FARS2: variants seen among roughly 807,000 people sequenced by gnomAD.
The protein encoded by FARS2 is phenylalanyl-tRNA synthetase 2, mitochondrial, also known as phenylalanine--tRNA ligase, mitochondrial.
Under a neutral mutation model 46.4 loss-of-function variants are expected in FARS2, and 40 were observed. The ratio of observed to expected loss-of-function variants is 0.86; its 90% CI spans 0.67 to 1.12. The LOEUF (loss-of-function observed/expected upper bound fraction) is 1.12, where lower values mean the gene tolerates loss of function less well. Ranked by LOEUF, FARS2 falls within the 50% of genes most tolerant of loss-of-function variation. FARS2 has a pLI of 0.00. For synonymous variants in FARS2, 234 were observed against 214.9 expected, an observed-to-expected ratio of 1.09 and a Z score of -0.78; for missense variants, 513 against 567.9, an observed-to-expected ratio of 0.90 and a Z score of 0.98.
In FARS2 at chr6:5,368,924, A is replaced by G. The variant is rs1554169338; in HGVS notation, c.354A>G (p.Pro118=). The G allele has an allele frequency of 6.2e-6, 10 of 1,614,166 alleles. No homozygotes were observed. Among genetic ancestry groups the G allele is most frequent in the Non-Finnish European group, 7.6e-6 (9 of 1,180,028 alleles). ...PLFSVYDNLS[P]VVTTWQNFDS... ...TCTCGGTCTACGACAACCTTTCTCC[A>G]GTGGTCACGACCTGGCAGAACTTTG... is the stretch of plus-strand genomic sequence containing the variant. The change falls in exon 2 of 7, where the codon CCA becomes CCG. Residue 118 remains proline (P), a synonymous_variant. Coordinates refer to ENST00000274680, the MANE Select transcript of FARS2 (RefSeq NM_006567.5).
intron 4 of FARS2, among the ~76,000 whole-genome samples, chr6:5,523,789 C>T (rs1038764307): frequency 7.2e-5 from 11 of 152,120 alleles, no homozygotes; most frequent in Admixed American, 3.3e-4. Context: ...TGTCTTTACC[C>T]TTTAGGGTTT....
chr6:5,582,223 A>G (rs1168073484), intron 5 of FARS2, among the ~76,000 whole-genome samples: 1 of 110,486 alleles, frequency 9.1e-6, no homozygotes, highest in African/African-American at 3.5e-5. Context: ...TCACAGTAAC[A>G]TACTTCCGGT....
At chr6:5,349,124 G>A (rs1757416197) in intron 1 of FARS2, among the ~76,000 whole-genome samples, 2 of 152,246 alleles carry the variant, frequency 1.3e-5, no homozygotes, top group African/African-American at 4.8e-5. Flanking sequence ...TAATAAGTGA[G>A]TTCTGCAAGG....
At chr6:5,771,077 G>T (rs544087129) in intron 6 of FARS2, among the ~76,000 whole-genome samples, 2 of 152,312 alleles carry the variant, frequency 1.3e-5, no homozygotes, top group Admixed American at 1.3e-4. Context: ...CACCCCAGTG[G>T]AAACCAGCAG....
chr6:5,259,759 G>C (rs1395596957), upstream of FARS2, among the ~76,000 whole-genome samples: 1 of 152,048 alleles, frequency 6.6e-6, no homozygotes, highest in Non-Finnish European at 1.5e-5. Flanking sequence ...CTTTCTCATG[G>C]GAATATGGCT....
intron 1 of FARS2, among the ~76,000 whole-genome samples, chr6:5,305,759 T>C (rs1768655028): frequency 6.6e-6 from 1 of 152,156 alleles, no homozygotes; most frequent in Admixed American, 6.5e-5. Flanking sequence ...TCTCCCACTA[T>C]AGCCCCTACA....
At chr6:5,511,468 A>G (rs1168031453) in intron 4 of FARS2, among the ~76,000 whole-genome samples, 3 of 152,256 alleles carry the variant, frequency 2.0e-5, no homozygotes, top group African/African-American at 7.2e-5. Flanking sequence ...ATTAATCACA[A>G]ATGGGCAAGT....
At chr6:5,668,535 C>T (rs1778264054) in intron 6 of FARS2, among the ~76,000 whole-genome samples, 1 of 152,126 alleles carries the variant, frequency 6.6e-6, no homozygotes, top group Non-Finnish European at 1.5e-5. Flanking sequence ...ATGTTTTTTA[C>T]TGTTTAATTC....
chr6:5,402,658 A>G (rs1488196521), intron 2 of FARS2, among the ~76,000 whole-genome samples: 3 of 152,034 alleles, frequency 2.0e-5, no homozygotes, highest in Admixed American at 2.0e-4. Context: ...ATCTTTCACA[A>G]CCTTGAATTT....
chr6:5,475,535 C>G (rs1258390034), intron 4 of FARS2, among the ~76,000 whole-genome samples: 1 of 152,166 alleles, frequency 6.6e-6, no homozygotes, highest in Non-Finnish European at 1.5e-5. Flanking sequence ...GACCACAGTC[C>G]TCCAAAAACT....
intron 6 of FARS2, among the ~76,000 whole-genome samples, chr6:5,753,022 C>T (rs867270934): frequency 2.0e-5 from 3 of 152,102 alleles, no homozygotes; most frequent in African/African-American, 4.8e-5. Context: ...TTACTGTAAG[C>T]GTAATGCTCT....
At chr6:5,658,467 A>T (rs1164686076) in intron 6 of FARS2, among the ~76,000 whole-genome samples, 1 of 152,186 alleles carries the variant, frequency 6.6e-6, no homozygotes, top group East Asian at 1.9e-4. Context: ...GAGCTATTCA[A>T]ATGTACCCTT....
chr6:5,559,994 G>A (rs894169581), intron 5 of FARS2, among the ~76,000 whole-genome samples: 1 of 152,056 alleles, frequency 6.6e-6, no homozygotes, highest in Non-Finnish European at 1.5e-5. Context: ...GAATTCCAGG[G>A]GGTTTGTAGA....
At chr6:5,664,008 G>GC (rs554797114) in intron 6 of FARS2, among the ~76,000 whole-genome samples, 5 of 152,310 alleles carry the variant, frequency 3.3e-5, no homozygotes, top group African/African-American at 4.8e-5. Context: ...CAGATCTGTG[G>GC]CCCCCCTGGC....
intron 5 of FARS2, among the ~76,000 whole-genome samples, chr6:5,603,973 A>G (rs1393058556): frequency 2.0e-5 from 3 of 152,172 alleles, no homozygotes; most frequent in South Asian, 2.1e-4. Flanking sequence ...TACCATTCCA[A>G]GGAGGGAAGC....
intron 4 of FARS2, among the ~76,000 whole-genome samples, chr6:5,522,958 GA>G (rs2150431540): frequency 6.6e-6 from 1 of 152,360 alleles, no homozygotes; most frequent in South Asian, 2.1e-4. Flanking sequence ...GAACGAAATA[GA>G]AAGGAGAAGA....
chr6:5,458,936 G>C (rs1765072796), intron 4 of FARS2, among the ~76,000 whole-genome samples: 1 of 152,214 alleles, frequency 6.6e-6, no homozygotes. Context: ...TTTTAACAAG[G>C]ATGGTGGTAG....
chr6:5,687,316 G>A (rs1757315621), intron 6 of FARS2, among the ~76,000 whole-genome samples: 1 of 152,182 alleles, frequency 6.6e-6, no homozygotes, highest in Non-Finnish European at 1.5e-5. Flanking sequence ...TTCTTCTAGG[G>A]TTTTTATGGT....
chr6:5,651,422 C>A (rs1777356308), intron 6 of FARS2, among the ~76,000 whole-genome samples: 1 of 152,230 alleles, frequency 6.6e-6, no homozygotes, highest in Non-Finnish European at 1.5e-5. Context: ...AGGCCTTCAT[C>A]TTGGTAGAAG....
Sources: gnomAD v4.1 joint callset for allele counts (sites outside exome capture counted in the v4.1 genomes callset) on GRCh38, gnomAD v4.1.1 for gene constraint, MANE v1.5 for transcripts, NCBI Gene and HGNC (gene_info 2026-07-23, HGNC 2026-07-21) for gene names.